The following ANGPTL1 variants were observed in gnomAD, a reference collection of about 807,000 sequenced individuals.
The protein encoded by ANGPTL1 is angiopoietin like 1.
ANGPTL1 carries 36 observed loss-of-function variants against 46.7 expected under a neutral mutation model. That is an observed-to-expected ratio of 0.77 (90% CI 0.59 to 1.02). ANGPTL1 has a LOEUF of 1.02. Ranked by LOEUF, ANGPTL1 falls within the 50% of genes least tolerant of loss-of-function variation. The pLI, the probability that ANGPTL1 is intolerant of heterozygous loss-of-function variation, is 0.00. For synonymous variants in ANGPTL1, 221 were observed against 204.3 expected (o/e 1.08, Z -0.69); for missense variants, 571 against 594.7 (o/e 0.96, Z 0.41).
intron 3 of ANGPTL1, among the ~76,000 whole-genome samples, chr1:178,856,196 G>GATATAT (rs1449088390): frequency 2.9e-4 from 12 of 41,050 alleles, no homozygotes; most frequent in African/African-American, 7.2e-4. Context: ...TTTCCAGAGA[G>GATATAT]AGAGAGATAT....
At chr1:178,861,403 G>A (rs1467852536) in intron 3 of ANGPTL1, among the ~76,000 whole-genome samples, 1 of 150,820 alleles carries the variant, frequency 6.6e-6, no homozygotes, top group Non-Finnish European at 1.5e-5. Flanking sequence ...GAGGACTTTT[G>A]ACATACTAAA....
Position 178,853,708 on chromosome 1 carries a change from G to A in ANGPTL1, c.903C>T (p.Ser301=). 3 of 1,612,476 alleles carry A rather than the reference G, an allele frequency of 1.9e-6. No individual in the cohort carries two copies. The highest frequency in any genetic ancestry group is 2.5e-6 in the Non-Finnish European group (3 of 1,179,234). Residue 301 remains serine, a synonymous_variant, in exon 4 of 6, where the codon AGC becomes AGT. Transcript: ENST00000234816. Reference sequence around the variant, plus strand: ...CACACCATAACTGCATTGGTCCATTGCTGTTTTCAGGTTTAATCATATAAA... The same window carrying A: ...CACACCATAACTGCATTGGTCCATTACTGTTTTCAGGTTTAATCATATAAA... ...SGIYMIKPEN[S]NGPMQLWCEN...
intron 3 of ANGPTL1, among the ~76,000 whole-genome samples, chr1:178,860,520 G>C (rs1657929040): frequency 6.6e-6 from 1 of 151,958 alleles, no homozygotes; most frequent in African/African-American, 2.4e-5. Context: ...ATATTGTACA[G>C]CCATCACCAC....
rs1229289710 is a variant in ANGPTL1 at position 178,852,812 on chromosome 1, G to A, written c.1159C>T (p.Arg387Cys). ...KKVYAEYSSF[R>C]LEPESEFYRL... ...TAGAATTCACTTTCAGGTTCCAGAC[G>A]AAAGCTGCTGTATTCTGCATAGACT... Residue 387 changes from arginine to cysteine, a missense_variant, in exon 5 of 6, where the codon CGT becomes TGT. Coordinates refer to ENST00000234816, the MANE Select transcript of ANGPTL1 (RefSeq NM_004673.4). 6.2e-6 allele frequency: 10 copies of A among 1,613,738 alleles called. No homozygotes were observed. Among genetic ancestry groups the A allele is most frequent in the African/African-American group, 2.7e-5 (2 of 74,896 alleles).
intron 1 of ANGPTL1, among the ~76,000 whole-genome samples, chr1:178,869,587 C>T (rs1474402345): frequency 1.3e-5 from 2 of 152,008 alleles, no homozygotes; most frequent in Non-Finnish European, 2.9e-5. Flanking sequence ...ATTTCAGATC[C>T]ACTGTTGCTT....
At position 178,851,055 on chromosome 1, in the gene ANGPTL1, A is replaced by G; in HGVS notation, c.*74T>C. The G allele has an allele frequency of 2.2e-6, 3 of 1,389,914 alleles. No individual in the cohort carries two copies. The highest frequency in any genetic ancestry group is 1.9e-6 in the Non-Finnish European group (2 of 1,028,086). The allele number at this position is 1,389,914 out of a possible 1,614,324, so 86.1% of individuals were successfully genotyped here. A position where few individuals can be genotyped will look rare whatever the true frequency, so the allele number is the denominator to read the frequency against. ...AGAAATAAATTGTGCCAAGTAATAT[A>G]CATGTAACATTTACATTTTTAAGAG... is the stretch of plus-strand genomic sequence containing the variant. On this transcript the variant is annotated 3_prime_UTR_variant, in exon 6 of 6. Transcript: ENST00000234816.
chr1:178,853,021 G>A (rs1274704836), intron 4 of ANGPTL1, 68 bp from the exon 5 acceptor site: 38 of 1,521,328 alleles, frequency 2.5e-5, no homozygotes, highest in Non-Finnish European at 3.3e-5. Flanking sequence ...TTACAGAGCA[G>A]TGTTAAACAT....
In ANGPTL1 at chr1:178,852,973, C is replaced by CATG. The variant is rs1296872357; in HGVS notation, c.1018-23_1018-21dup. The CATG allele has an allele frequency of 3.8e-6, 6 of 1,591,480 alleles. No homozygotes were observed. Among genetic ancestry groups the CATG allele is most frequent in the Non-Finnish European group, 5.1e-6 (6 of 1,170,526 alleles). ...CCCTTTCTGTTAATAAGTGAAGAAA[C>CATG]ATGAGTGCATAAATAAGTATAGAGA... On this transcript the variant is annotated intron_variant, in intron 4 of 5. Transcript: ENST00000234816.
rs1426954581 is a variant in ANGPTL1, at chr1:178,869,347, G to A, written c.-136-124C>T. The A allele has an allele frequency of 2.0e-5, 3 of 152,178 alleles. No homozygotes were observed. The East Asian group carries it at 5.8e-4, about 29-fold the overall frequency. The allele number at this position is 152,178 out of a possible 1,614,324, so 9.4% of individuals were successfully genotyped here. On this transcript the variant is annotated intron_variant, in intron 1 of 5. Transcript: ENST00000234816. ...GAGGCAATGAAGTTAAATTTATGAAGCATTCAGGATATGTTAGATAAAGAA... is the reference window on the plus strand; with the variant it reads ...GAGGCAATGAAGTTAAATTTATGAAACATTCAGGATATGTTAGATAAAGAA...
At chr1:178,868,177 C>G (rs1486464205) in intron 2 of ANGPTL1, among the ~76,000 whole-genome samples, 1 of 151,774 alleles carries the variant, frequency 6.6e-6, no homozygotes, top group Non-Finnish European at 1.5e-5. Context: ...AAACAGTCAT[C>G]TATTTTATTT....
intron 2 of ANGPTL1, among the ~76,000 whole-genome samples, chr1:178,866,945 G>T (rs1005416532): frequency 2.0e-5 from 3 of 152,062 alleles, no homozygotes; most frequent in African/African-American, 7.2e-5. Flanking sequence ...AAGTAGAATG[G>T]GTAAGGTATG....
chr1:178,866,057 G>A (rs1183356864), intron 2 of ANGPTL1, among the ~76,000 whole-genome samples: 1 of 152,094 alleles, frequency 6.6e-6, no homozygotes, highest in African/African-American at 2.4e-5. Context: ...TTGTTCCCCA[G>A]TTTATTGAGC....
At chr1:178,853,397 C>A (rs1360962654) in intron 4 of ANGPTL1, among the ~76,000 whole-genome samples, 197 bp downstream of exon 4, 1 of 152,098 alleles carries the variant, frequency 6.6e-6, no homozygotes, top group Non-Finnish European at 1.5e-5. Context: ...AGTATATCTT[C>A]TGTTTCCTTT....
rs74129711 is a variant in ANGPTL1 at position 178,856,761 on chromosome 1, T to C, written c.824-2974A>G. On this transcript the variant is annotated intron_variant, in intron 3 of 5. Transcript: ENST00000234816. The stretch of plus-strand genomic sequence containing the variant: ...TAAAGTAGCTTATTTAATGTCTGCT[T>C]ATTTAATAAATTTAATATAGCTCAT... Among the ~76,000 whole-genome samples, 496 of 152,304 alleles carry C rather than the reference T, an allele frequency of 3.3e-3. 2 individuals carry two copies. Among genetic ancestry groups the C allele is most frequent in the African/African-American group, 0.012 (488 of 41,560 alleles).
intron 3 of ANGPTL1, among the ~76,000 whole-genome samples, chr1:178,856,234 T>TATATATATATATATATATATATACAC (rs1368301659): frequency 7.0e-5 from 9 of 128,762 alleles, no homozygotes; most frequent in African/African-American, 2.8e-4. Flanking sequence ...TATATATATA[T>TATATATATATATATATATATATACAC]GGTTTTGGGT....
At chr1:178,851,518 A>C (rs979772549) in intron 5 of ANGPTL1, among the ~76,000 whole-genome samples, 1 of 151,436 alleles carries the variant, frequency 6.6e-6, no homozygotes, top group Non-Finnish European at 1.5e-5. Context: ...GCCTTTTTTT[A>C]ACTCTTTGCT....
chr1:178,865,321 G>A lies in ANGPTL1; in HGVS notation c.456C>T (p.Ser152=). The A allele has an allele frequency of 1.9e-6, 3 of 1,613,948 alleles. No homozygotes were observed. Among genetic ancestry groups the A allele is most frequent in the Non-Finnish European group, 2.5e-6 (3 of 1,179,936 alleles). The change falls in exon 3 of 6, where the codon TCC becomes TCT. Residue 152 remains serine (S), a synonymous_variant. Transcript: ENST00000234816. ...IRKRDNSLEL[S]QLENKILNVT... ...CATTGAGGATTTTGTTTTCCAGTTG[G>A]GAAAGTTCAAGTGAATTATCCCTCT...
chr1:178,861,767 G>C (rs1658029598), intron 3 of ANGPTL1, among the ~76,000 whole-genome samples: 1 of 152,070 alleles, frequency 6.6e-6, no homozygotes, highest in African/African-American at 2.4e-5. Flanking sequence ...ATTTTTAAAG[G>C]ATATCAAAAG....
chr1:178,867,002 T>G (rs1269945751), intron 2 of ANGPTL1, among the ~76,000 whole-genome samples: 1 of 152,048 alleles, frequency 6.6e-6, no homozygotes, highest in East Asian at 1.9e-4. Flanking sequence ...ACAGGCCACC[T>G]TTTCACTCTT....
Sources: allele counts gnomAD v4.1 joint callset (sites outside exome capture counted in the v4.1 genomes callset), GRCh38; gene constraint gnomAD v4.1.1; transcripts MANE v1.5; gene names NCBI Gene and HGNC (gene_info 2026-07-23, HGNC 2026-07-21).